TSHZ3: variants seen among roughly 807,000 people sequenced by gnomAD.
TSHZ3 encodes the protein teashirt zinc finger homeobox 3.
TSHZ3 carries 10 observed loss-of-function variants against 64.5 expected under a neutral mutation model. That is an observed-to-expected ratio of 0.16 (90% CI 0.10 to 0.26). The LOEUF (loss-of-function observed/expected upper bound fraction) is 0.26. TSHZ3 is among the 10% of genes least tolerant of loss of function. The probability of loss-of-function intolerance (pLI) is 1.00; values close to 1 mark genes in which losing one functional copy is unlikely to be tolerated. For missense variants in TSHZ3, 1,242 were observed against 1,421.7 expected (o/e 0.87, Z 2.03); for synonymous variants, 608 against 593.1 (o/e 1.03, Z -0.36).
chr19:31,274,063 G>GGTGA (rs1348145637), downstream of TSHZ3, among the ~76,000 whole-genome samples: 1 of 152,092 alleles, frequency 6.6e-6, no homozygotes, highest in East Asian at 1.9e-4. Context: ...AAAAGGGGTG[G>GGTGA]GGATGAGCGG....
chr19:31,182,890 C>G (rs1230368132), intron 5 of TSHZ3, among the ~76,000 whole-genome samples: 1 of 152,182 alleles, frequency 6.6e-6, no homozygotes, highest in East Asian at 1.9e-4. Flanking sequence ...ACTGGTCACA[C>G]ACATCTGGAT....
intron 1 of TSHZ3, among the ~76,000 whole-genome samples, chr19:31,313,933 C>T (rs926827230): frequency 6.6e-6 from 1 of 152,212 alleles, no homozygotes; most frequent in African/African-American, 2.4e-5. Context: ...AGTCTTTGCG[C>T]CACAGAATTT....
chr19:31,309,556 A>G (rs1383358315), intron 1 of TSHZ3, among the ~76,000 whole-genome samples: 1 of 152,224 alleles, frequency 6.6e-6, no homozygotes, highest in East Asian at 1.9e-4. Flanking sequence ...GTCAGCAAGA[A>G]CAAATATTCC....
chr19:31,318,261 T>C (rs999068896), intron 1 of TSHZ3, among the ~76,000 whole-genome samples: 3 of 152,244 alleles, frequency 2.0e-5, no homozygotes, highest in Admixed American at 6.5e-5. Flanking sequence ...TTATGTCTGA[T>C]AGGAGCCTCA....
chr19:31,209,825 C>T (rs553399383), intron 4 of TSHZ3, among the ~76,000 whole-genome samples: 1 of 152,202 alleles, frequency 6.6e-6, no homozygotes, highest in South Asian at 2.1e-4. Flanking sequence ...GTAATCCTGA[C>T]TTGAGAGATG....
intron 1 of TSHZ3, among the ~76,000 whole-genome samples, chr19:31,301,568 G>C (rs1340605740): frequency 1.3e-5 from 2 of 152,220 alleles, no homozygotes; most frequent in Non-Finnish European, 2.9e-5. Context: ...CCTGCGGGAA[G>C]GCACTGGCCC....
chr19:31,277,874 C>T lies in TSHZ3; in HGVS notation c.1919G>A (p.Arg640Gln), dbSNP rs202234102. 2.1e-4 allele frequency: 333 copies of T among 1,608,164 alleles called. No individual in the cohort carries two copies. Among genetic ancestry groups the T allele is most frequent in the Non-Finnish European group, 2.6e-4 (305 of 1,177,484 alleles). The change falls in exon 2 of 2, where the codon CGG (arginine) becomes CAG (glutamine). Residue 640 changes from arginine to glutamine, a missense_variant. By Grantham distance (43) the Arg-to-Gln change is conservative. Coordinates refer to ENST00000240587, the MANE Select transcript of TSHZ3 (RefSeq NM_020856.4). This position sits in a 1 kb window ranked among gnomAD's most constrained non-coding sequence, Gnocchi z 4.5. ...EPDGKLSPPKRATPSPCSSEV... is the reference protein window; with the variant it reads ...EPDGKLSPPKQATPSPCSSEV... Reference sequence around the variant, plus strand: ...GCTGCTACATGGGGAGGGAGTGGCCCGCTTGGGCGGGGAAAGCTTCCCATC... The same window carrying T: ...GCTGCTACATGGGGAGGGAGTGGCCTGCTTGGGCGGGGAAAGCTTCCCATC...
At chr19:31,195,826 T>C (rs1483314961) in intron 5 of TSHZ3, 1 of 152,062 alleles carries the variant, frequency 6.6e-6, no homozygotes, top group African/African-American at 2.4e-5. Flanking sequence ...TAGTCATGTG[T>C]ATACAGACAC....
chr19:31,269,490 C>T (rs776128104), intron 1 of TSHZ3, among the ~76,000 whole-genome samples: 8 of 152,082 alleles, frequency 5.3e-5, no homozygotes, highest in South Asian at 2.1e-4. Flanking sequence ...GTTTACCCAG[C>T]CCTGGTTTCT....
At chr19:31,150,350 C>T (rs1022882261) in exon 7 of TSHZ3, among the ~76,000 whole-genome samples, 7 of 152,210 alleles carry the variant, frequency 4.6e-5, no homozygotes, top group African/African-American at 1.7e-4. Context: ...GGATGGGCAC[C>T]TCTGGGTGCC....
At chr19:31,341,080 A>T (rs1012380102) in intron 1 of TSHZ3, among the ~76,000 whole-genome samples, 13 of 152,222 alleles carry the variant, frequency 8.5e-5, no homozygotes, top group Non-Finnish European at 1.6e-4. Context: ...GCACGTGGAA[A>T]CTGCCAAGCT....
intron 1 of TSHZ3, among the ~76,000 whole-genome samples, chr19:31,288,677 G>C (rs994787724): frequency 1.3e-5 from 2 of 152,062 alleles, no homozygotes; most frequent in Admixed American, 1.3e-4. Context: ...CTAGTAGCTG[G>C]AACTACAGGT....
In TSHZ3 at chr19:31,200,671, C is replaced by T. The variant is rs1599578531; in HGVS notation, n.809+4285G>A. Among the ~76,000 whole-genome samples, 3 of 152,106 alleles carry T rather than the reference C, an allele frequency of 2.0e-5. No individual in the cohort carries two copies. The East Asian group carries it at 5.8e-4, about 29-fold the overall frequency. On this transcript the variant is annotated intron_variant and non_coding_transcript_variant, in intron 5 of 6. Transcript: ENST00000651361. The stretch of plus-strand genomic sequence containing the variant: ...TGTTGCATACTCATTAGGCATTTCC[C>T]TAAATCTATAGAACACGCAATACCA...
At chr19:31,208,826 G>A (rs1975221988) in intron 4 of TSHZ3, among the ~76,000 whole-genome samples, 3 of 152,156 alleles carry the variant, frequency 2.0e-5, no homozygotes, top group South Asian at 2.1e-4. Context: ...ACTTACCAAC[G>A]CTACCTTCAT....
rs545242424 is a variant in TSHZ3 at position 31,234,027 on chromosome 19, T to C, written n.551-5887A>G. 3.3e-5 allele frequency among the ~76,000 whole-genome samples: 5 copies of C among 152,174 alleles called. 1 individual carries two copies. The South Asian group carries it at 1.0e-3, about 32-fold the overall frequency. On this transcript the variant is annotated intron_variant and non_coding_transcript_variant, in intron 3 of 6. Transcript: ENST00000651361. ...GTACAAAGAACATCTTAACACTATC[T>C]AGTCTTCCCATCCACTAACAGGACA...
intron 5 of TSHZ3, among the ~76,000 whole-genome samples, chr19:31,167,246 C>T (rs1974467515): frequency 6.6e-6 from 1 of 152,212 alleles, no homozygotes; most frequent in Non-Finnish European, 1.5e-5. Context: ...TGAAACAATT[C>T]ATTATCAAAT....
At chr19:31,166,934 C>T (rs1049453331) in intron 5 of TSHZ3, among the ~76,000 whole-genome samples, 1 of 152,092 alleles carries the variant, frequency 6.6e-6, no homozygotes, top group Non-Finnish European at 1.5e-5. Flanking sequence ...CATTTTGGGG[C>T]CAGAGATGAG....
At chr19:31,290,510 G>GA (rs1422001045) in intron 1 of TSHZ3, among the ~76,000 whole-genome samples, 1 of 151,790 alleles carries the variant, frequency 6.6e-6, no homozygotes, top group Non-Finnish European at 1.5e-5. Flanking sequence ...TAAGCAGGGA[G>GA]AAAAAAAGGG....
At chr19:31,154,004 C>G (rs929136891) in intron 6 of TSHZ3, among the ~76,000 whole-genome samples, 4 of 152,148 alleles carry the variant, frequency 2.6e-5, no homozygotes, top group African/African-American at 7.2e-5. Flanking sequence ...CTGACTTTGG[C>G]CAATAGCAAG....
Sources: gnomAD v4.1 joint callset for allele counts (sites outside exome capture counted in the v4.1 genomes callset) on GRCh38, gnomAD v4.1.1 for gene constraint, Gnocchi (gnomAD v3.1) non-coding constraint, MANE v1.5 for transcripts, NCBI Gene and HGNC (gene_info 2026-07-23, HGNC 2026-07-21) for gene names.